Variants in TOX3 observed in about 807,000 individuals in gnomAD.
The protein encoded by TOX3 is TOX high mobility group box family member 3, also known as CAG trinucleotide repeat-containing gene F9 protein.
TOX3 carries 22 observed loss-of-function variants against 64.3 expected under a neutral mutation model. The ratio of observed to expected loss-of-function variants is 0.34; its 90% CI spans 0.24 to 0.49. The LOEUF (loss-of-function observed/expected upper bound fraction) is 0.49. TOX3 is among the 20% of genes least tolerant of loss of function. The pLI is 0.99. For missense variants in TOX3, 661 were observed against 714.4 expected (o/e 0.93, Z 0.85); for synonymous variants, 291 against 273.6 (o/e 1.06, Z -0.63).
chr16:52,504,322 C>G (rs533285588), intron 1 of TOX3, among the ~76,000 whole-genome samples: 1 of 151,990 alleles, frequency 6.6e-6, no homozygotes, highest in Non-Finnish European at 1.5e-5. Flanking sequence ...AAAAAATTAG[C>G]CAGGCGTGGT....
chr16:52,439,973 A>G lies in TOX3; in HGVS notation c.988-5T>C. ...TTCTGCTGACTCAGCAGCAGCCTGC[A>G]TTTTGGGGGAGAAAATTCCAGACTG... is the stretch of plus-strand genomic sequence containing the variant. On this transcript the variant is annotated splice_region_variant and splice_polypyrimidine_tract_variant and intron_variant, in intron 6 of 6. Transcript: ENST00000219746. The G allele has an allele frequency of 6.5e-7, 1 of 1,529,458 alleles. No homozygotes were observed. The allele number at this position is 1,529,458 out of a possible 1,614,324, so 94.7% of individuals were successfully genotyped here. A position where few individuals can be genotyped will look rare whatever the true frequency, so the allele number is the denominator to read the frequency against.
chr16:52,547,739 T>C (rs1344140215), upstream of TOX3: 1 of 152,194 alleles, frequency 6.6e-6, no homozygotes, highest in Non-Finnish European at 1.5e-5. Flanking sequence ...GAAGGGGTGT[T>C]GGGGCCTGAC....
At chr16:52,495,138 G>T (rs1166897727) in intron 1 of TOX3, among the ~76,000 whole-genome samples, 1 of 152,114 alleles carries the variant, frequency 6.6e-6, no homozygotes, top group African/African-American at 2.4e-5. Flanking sequence ...TTGCAGAATT[G>T]TTGCCCATCA....
intron 3 of TOX3, among the ~76,000 whole-genome samples, chr16:52,457,576 A>G (rs1960557292): frequency 6.6e-6 from 1 of 152,236 alleles, no homozygotes; most frequent in African/African-American, 2.4e-5. Context: ...ATTATCAGCA[A>G]TAAAAATTAC....
In TOX3 at chr16:52,464,177, G is replaced by A; in HGVS notation, c.165C>T (p.His55=). 6.5e-7 allele frequency: 1 copy of A among 1,529,852 alleles called. No individual in the cohort carries two copies. The highest frequency in any genetic ancestry group is 8.8e-7 in the Non-Finnish European group (1 of 1,136,126). 94.8% of individuals were successfully genotyped at this position (1,529,852 alleles called of 1,614,324 possible). A position where few individuals can be genotyped will look rare whatever the true frequency, so the allele number is the denominator to read the frequency against. Reference sequence around the variant, plus strand: ...ATTCCTCGTCCCCAAGGCTTGGTGTGTGGAATGTCTGCTAAAAGGAAACAA... The same window carrying A: ...ATTCCTCGTCCCCAAGGCTTGGTGTATGGAATGTCTGCTAAAAGGAAACAA... ...AFFAASEQTF[H]TPSLGDEEFE... is the part of the protein sequence containing the mutation. Residue 55 remains histidine, a synonymous_variant, in exon 3 of 7, where the codon CAC becomes CAT. Transcript: ENST00000219746.
At chr16:52,481,369 G>A (rs899108005) in intron 1 of TOX3, among the ~76,000 whole-genome samples, 1 of 152,076 alleles carries the variant, frequency 6.6e-6, no homozygotes, top group African/African-American at 2.4e-5. Flanking sequence ...AGTTTAACGT[G>A]TTCTTTTAAG....
In TOX3 at chr16:52,439,864, T is replaced by A; in HGVS notation, c.1092A>T (p.Gln364His). Reference protein sequence around the residue: ...SSLLLNTPLSQHGTVSASPQT... With the variant: ...SSLLLNTPLSHHGTVSASPQT... ...GAGGTGATGCTGACACTGTTCCATGTTGAGACAGTGGAGTGTTGAGAAGGA... is the reference window on the plus strand; with the variant it reads ...GAGGTGATGCTGACACTGTTCCATGATGAGACAGTGGAGTGTTGAGAAGGA... The change falls in exon 7 of 7, where the codon CAA becomes CAT. Residue 364 changes from glutamine (Q) to histidine (H), a missense_variant. Gln to His is a conservative substitution (Grantham distance 24). Transcript: ENST00000219746. 1 of 1,613,790 alleles carries A rather than the reference T, an allele frequency of 6.2e-7. No individual in the cohort carries two copies. Among genetic ancestry groups the A allele is most frequent in the Non-Finnish European group, 8.5e-7 (1 of 1,179,816 alleles).
At chr16:52,457,407 C>G (rs918128942) in intron 3 of TOX3, among the ~76,000 whole-genome samples, 1 of 152,086 alleles carries the variant, frequency 6.6e-6, no homozygotes, top group Non-Finnish European at 1.5e-5. Flanking sequence ...TATACTTACA[C>G]AGAAATATTC....
chr16:52,525,667 C>T (rs1047925002), intron 1 of TOX3, among the ~76,000 whole-genome samples: 24 of 152,114 alleles, frequency 1.6e-4, no homozygotes, highest in African/African-American at 5.1e-4. Flanking sequence ...GTGCACATGC[C>T]AAAATGCAAG....
intron 1 of TOX3, among the ~76,000 whole-genome samples, chr16:52,529,182 A>G (rs910201620): frequency 1.3e-5 from 2 of 152,178 alleles, no homozygotes; most frequent in African/African-American, 4.8e-5. Context: ...GAGTATACTA[A>G]TTTTCCTGTT....
chr16:52,453,783 T>C (rs1207701003), intron 3 of TOX3, among the ~76,000 whole-genome samples: 1 of 152,182 alleles, frequency 6.6e-6, no homozygotes, highest in Non-Finnish European at 1.5e-5. Context: ...AACACAAGCA[T>C]GTCTCCTTGG....
intron 6 of TOX3, among the ~76,000 whole-genome samples, chr16:52,443,835 T>C (rs1960076829): frequency 6.6e-6 from 1 of 152,138 alleles, no homozygotes; most frequent in South Asian, 2.1e-4. Flanking sequence ...GGTTTATTTA[T>C]TTATATGATA....
chr16:52,536,982 T>C (rs1012176715), intron 1 of TOX3, among the ~76,000 whole-genome samples: 1 of 151,958 alleles, frequency 6.6e-6, no homozygotes, highest in African/African-American at 2.4e-5. Context: ...CAAGGCTTCA[T>C]TTAAGGGCTA....
chr16:52,442,216 G>T (rs34598545), intron 6 of TOX3, among the ~76,000 whole-genome samples: 75 of 152,218 alleles, frequency 4.9e-4, no homozygotes, highest in Non-Finnish European at 7.8e-4. Flanking sequence ...TTTGGTTATT[G>T]TAAAGATTAA....
rs149443332 is a variant in TOX3, at chr16:52,487,845, G to A, written c.88-19271C>T. 8.9e-4 allele frequency among the ~76,000 whole-genome samples: 135 copies of A among 152,330 alleles called. 1 individual carries two copies. Among genetic ancestry groups the A allele is most frequent in the African/African-American group, 3.1e-3 (127 of 41,574 alleles). On this transcript the variant is annotated intron_variant, in intron 1 of 6. Coordinates refer to ENST00000219746, the MANE Select transcript of TOX3 (RefSeq NM_001080430.4). ...ATGTTGGGACCCTTTGAAACTGACAGTTGTGTCTGTGGAGCAATGTGAATT... is the reference window on the plus strand; with the variant it reads ...ATGTTGGGACCCTTTGAAACTGACAATTGTGTCTGTGGAGCAATGTGAATT...
At chr16:52,502,383 T>G (rs1596834317) in intron 1 of TOX3, among the ~76,000 whole-genome samples, 1 of 152,114 alleles carries the variant, frequency 6.6e-6, no homozygotes, top group East Asian at 1.9e-4. Flanking sequence ...GAAATAAATA[T>G]TATGCAAGTC....
intron 1 of TOX3, among the ~76,000 whole-genome samples, chr16:52,529,677 T>A (rs1316005825): frequency 2.0e-5 from 3 of 152,204 alleles, no homozygotes; most frequent in Non-Finnish European, 4.4e-5. Flanking sequence ...TGGCCATCAA[T>A]GCAAAGAAAG....
intron 1 of TOX3, among the ~76,000 whole-genome samples, chr16:52,518,445 C>A (rs1962513248): frequency 6.6e-6 from 1 of 152,240 alleles, no homozygotes; most frequent in Non-Finnish European, 1.5e-5. Context: ...TTCAGGGATA[C>A]AATATGTAAG....
intron 1 of TOX3, among the ~76,000 whole-genome samples, chr16:52,536,784 C>T (rs1962958070): frequency 6.7e-6 from 1 of 149,952 alleles, no homozygotes; most frequent in South Asian, 2.1e-4. Flanking sequence ...TAACTCTTGA[C>T]ATTTTTAAGA....
Sources: allele counts gnomAD v4.1 joint callset (sites outside exome capture counted in the v4.1 genomes callset), GRCh38; gene constraint gnomAD v4.1.1; transcripts MANE v1.5; gene names NCBI Gene and HGNC (gene_info 2026-07-23, HGNC 2026-07-21).